The following KANK1 variants were observed in gnomAD, a reference collection of about 807,000 sequenced individuals.
KANK1 encodes KN motif and ankyrin repeat domains 1, also known as KN motif and ankyrin repeat domain-containing protein 1.
In KANK1, 109 loss-of-function variants were observed where a neutral mutation model predicts 106.2. That is an observed-to-expected ratio of 1.03 (90% CI 0.88 to 1.20). The LOEUF (loss-of-function observed/expected upper bound fraction) is 1.20, where lower values mean the gene tolerates loss of function less well. Among genes scored for constraint, KANK1 ranks in the 50% most tolerant of loss-of-function variants. The pLI is 0.00. For missense variants in KANK1, 2,399 were observed against 1,710.7 expected, an observed-to-expected ratio of 1.40 and a Z score of -7.10; for synonymous variants, 873 against 652.2, an observed-to-expected ratio of 1.34 and a Z score of -5.16.
At chr9:586,548 C>G (rs766870499) in intron 1 of KANK1, among the ~76,000 whole-genome samples, 1 of 152,060 alleles carries the variant, frequency 6.6e-6, no homozygotes, top group Admixed American at 6.6e-5. Flanking sequence ...AAAACAGTTC[C>G]GAGGTTTTAG....
At chr9:571,192 A>AC (rs1819068610) in intron 1 of KANK1, among the ~76,000 whole-genome samples, 1 of 151,982 alleles carries the variant, frequency 6.6e-6, no homozygotes. Context: ...TTTGTGTGAC[A>AC]TGGTGGTGTC....
At chr9:525,183 C>T (rs576718530) in intron 1 of KANK1, among the ~76,000 whole-genome samples, 10 of 150,992 alleles carry the variant, frequency 6.6e-5, no homozygotes, top group African/African-American at 1.5e-4. Flanking sequence ...TTAGTAGAGA[C>T]GGGGTTTTGC....
chr9:706,970 C>T (rs1824404644), intron 2 of KANK1: 2 of 985,374 alleles, frequency 2.0e-6, no homozygotes, highest in East Asian at 1.1e-4. Context: ...GTGAAGAACA[C>T]ACATTTTCAG....
rs759324055 is a variant in KANK1 at position 742,161 on chromosome 9, A to G, written c.3697-44A>G. On this transcript the variant is annotated intron_variant, in intron 9 of 11. Coordinates refer to ENST00000382297, the MANE Select transcript of KANK1 (RefSeq NM_015158.5). ...AGCCCCACTAGAGGCCACCACTGCCAGCTCAGTACGTACTTCTGAAGTCCT... is the reference window on the plus strand; with the variant it reads ...AGCCCCACTAGAGGCCACCACTGCCGGCTCAGTACGTACTTCTGAAGTCCT... 6.4e-6 allele frequency: 10 copies of G among 1,558,150 alleles called. No individual in the cohort carries two copies. The Admixed American group carries it at 1.7e-4, about 26-fold the overall frequency.
At chr9:714,314 T>A (rs998954269) in intron 3 of KANK1, among the ~76,000 whole-genome samples, 1 of 151,230 alleles carries the variant, frequency 6.6e-6, no homozygotes, top group Non-Finnish European at 1.5e-5. Context: ...GAGGGCTGTT[T>A]GAGATGAGGT....
rs150456102 is a variant in KANK1, at chr9:545,044, G to T, written c.-84+40290G>T. 5.5e-3 allele frequency among the ~76,000 whole-genome samples: 823 copies of T among 150,834 alleles called. 5 individuals are homozygous for T. The highest frequency in any genetic ancestry group is 9.4e-3 in the Non-Finnish European group (641 of 68,014). On this transcript the variant is annotated intron_variant, in intron 1 of 11. Transcript: ENST00000382297. ...TGAGCTGACCTTGGGGCTAGAAAAAGGGGACAAATGGCGGCTGAGGAGGAG... is the reference window on the plus strand; with the variant it reads ...TGAGCTGACCTTGGGGCTAGAAAAATGGGACAAATGGCGGCTGAGGAGGAG...
intron 3 of KANK1, among the ~76,000 whole-genome samples, chr9:714,741 G>C (rs551006617): frequency 1.1e-4 from 16 of 152,238 alleles, no homozygotes; most frequent in African/African-American, 3.9e-4. Flanking sequence ...TGAAATTGAA[G>C]CTAATAATCA....
chr9:696,953 A>C (rs1413509125), intron 2 of KANK1, among the ~76,000 whole-genome samples: 1 of 152,206 alleles, frequency 6.6e-6, no homozygotes, highest in African/African-American at 2.4e-5. Context: ...CAGATGAAGA[A>C]AGGAAAGACA....
chr9:531,602 A>G (rs964075507), intron 1 of KANK1, among the ~76,000 whole-genome samples: 6 of 152,216 alleles, frequency 3.9e-5, no homozygotes, highest in Admixed American at 2.0e-4. Flanking sequence ...GTCATTTGAG[A>G]TGCAACTCTT....
intron 1 of KANK1, among the ~76,000 whole-genome samples, chr9:605,987 C>G (rs1355747205): frequency 6.6e-6 from 1 of 151,654 alleles, no homozygotes; most frequent in African/African-American, 2.4e-5. Flanking sequence ...GGTGATTAAA[C>G]AAGCTATGCC....
At chr9:594,136 A>G (rs1466419570) in intron 1 of KANK1, among the ~76,000 whole-genome samples, 1 of 152,050 alleles carries the variant, frequency 6.6e-6, no homozygotes, top group East Asian at 1.9e-4. Context: ...GGGTTTTCAC[A>G]GTACCCACCT....
intron 1 of KANK1, among the ~76,000 whole-genome samples, chr9:671,504 C>CGTT (rs1563961975): frequency 1.6e-4 from 1 of 6,324 alleles, no homozygotes; most frequent in Non-Finnish European, 2.6e-4. Context: ...ATTAGCTGGA[C>CGTT]GTGGTGGAGG....
intron 2 of KANK1, chr9:687,035 C>T (rs1214862696): frequency 1.6e-6 from 1 of 627,964 alleles, no homozygotes; most frequent in Non-Finnish European, 2.0e-6. Flanking sequence ...CTTTTCTTTT[C>T]TTTTTTTTTA....
chr9:671,412 G>A (rs1476394935), intron 1 of KANK1, among the ~76,000 whole-genome samples: 1 of 151,762 alleles, frequency 6.6e-6, no homozygotes, highest in African/African-American at 2.4e-5. Context: ...TTGGGAGGCC[G>A]AGGCATGCAG....
chr9:569,470 C>T (rs1351827211), intron 1 of KANK1, among the ~76,000 whole-genome samples: 1 of 152,178 alleles, frequency 6.6e-6, no homozygotes, highest in African/African-American at 2.4e-5. Context: ...CACACTCGGC[C>T]GCCTCACCAT....
intron 1 of KANK1, among the ~76,000 whole-genome samples, chr9:636,047 C>T (rs1275618957): frequency 3.9e-5 from 6 of 152,116 alleles, no homozygotes; most frequent in South Asian, 4.1e-4. Context: ...CATAGTTTTA[C>T]TGTTTTTCTG....
At chr9:584,372 CTCA>C in intron 1 of KANK1, among the ~76,000 whole-genome samples, 1 of 152,072 alleles carries the variant, frequency 6.6e-6, no homozygotes, top group Non-Finnish European at 1.5e-5. Context: ...GCTAATTATC[CTCA>C]TGATTTTTAT....
At chr9:521,870 G>A (rs1347561528) in intron 1 of KANK1, among the ~76,000 whole-genome samples, 1 of 151,548 alleles carries the variant, frequency 6.6e-6, no homozygotes, top group East Asian at 1.9e-4. Context: ...GCCTGGCTCA[G>A]ATTCTTTTAT....
intron 3 of KANK1, among the ~76,000 whole-genome samples, chr9:727,920 A>T (rs570164658): frequency 6.6e-6 from 1 of 152,178 alleles, no homozygotes; most frequent in Non-Finnish European, 1.5e-5. Flanking sequence ...AGGGGATTCC[A>T]TAGTAAACCT....
Sources: gnomAD v4.1 joint callset for allele counts (sites outside exome capture counted in the v4.1 genomes callset) on GRCh38, gnomAD v4.1.1 for gene constraint, MANE v1.5 for transcripts, NCBI Gene and HGNC (gene_info 2026-07-23, HGNC 2026-07-21) for gene names.